The following NAV2 variants were observed in gnomAD, a reference collection of about 807,000 sequenced individuals.
NAV2 encodes neuron navigator 2, also known as helicase, APC down-regulated 1.
NAV2 carries 54 observed loss-of-function variants against 223.2 expected under a neutral mutation model. The observed-to-expected ratio is 0.24, with a 90% CI of 0.19 to 0.30. NAV2 has a LOEUF of 0.30. NAV2 is among the 10% of genes least tolerant of loss of function. The pLI, the probability that NAV2 is intolerant of heterozygous loss-of-function variation, is 1.00. For missense variants in NAV2, 2,806 were observed against 3,147.5 expected, an observed-to-expected ratio of 0.89 and a Z score of 2.60; for synonymous variants, 1,279 against 1,239.3, an observed-to-expected ratio of 1.03 and a Z score of -0.67.
chr11:19,722,714 T>A (rs1173803889), intron 1 of NAV2, among the ~76,000 whole-genome samples: 1 of 152,192 alleles, frequency 6.6e-6, no homozygotes, highest in African/African-American at 2.4e-5. Context: ...TGGAAAACAG[T>A]AGTAAATAGA....
intron 10 of NAV2, among the ~76,000 whole-genome samples, chr11:19,982,896 C>G (rs560845113): frequency 2.0e-5 from 3 of 152,292 alleles, no homozygotes; most frequent in Non-Finnish European, 2.9e-5. Context: ...AGGGTCGACT[C>G]CATATATGCA....
chr11:19,629,765 AG>A (rs1223441649), intron 1 of NAV2, among the ~76,000 whole-genome samples: 1 of 152,080 alleles, frequency 6.6e-6, no homozygotes, highest in Non-Finnish European at 1.5e-5. Flanking sequence ...TCAGTTTTGA[AG>A]GGCACCAATG....
chr11:19,997,877 G>A (rs904653549), intron 11 of NAV2, among the ~76,000 whole-genome samples: 3 of 152,062 alleles, frequency 2.0e-5, no homozygotes, highest in African/African-American at 7.2e-5. Context: ...GCTGGCTATA[G>A]CCCTGCCTTC....
intron 6 of NAV2, among the ~76,000 whole-genome samples, chr11:19,923,564 G>A (rs1307960251): frequency 6.6e-6 from 1 of 152,204 alleles, no homozygotes; most frequent in Non-Finnish European, 1.5e-5. Flanking sequence ...ATAGAAAGCA[G>A]AAAGATTGGG....
chr11:19,650,693 T>C (rs1191888913), intron 1 of NAV2, among the ~76,000 whole-genome samples: 1 of 152,144 alleles, frequency 6.6e-6, no homozygotes, highest in Non-Finnish European at 1.5e-5. Context: ...GACAAGTAAA[T>C]GGATATGCAA....
rs1329705238 is a variant in NAV2, at chr11:19,797,924, C to G, written c.268-34560C>G. 2.0e-5 allele frequency among the ~76,000 whole-genome samples: 3 copies of G among 152,140 alleles called. No individual in the cohort carries two copies. The South Asian group carries it at 6.2e-4, about 32-fold the overall frequency. ...AGTTCTGGAAATACTGTTCACCTTT[C>G]CTTTTCAGCTTGTTGGGATCTGTAG... On this transcript the variant is annotated intron_variant, in intron 1 of 37. Coordinates refer to ENST00000349880, the MANE Select transcript of NAV2 (RefSeq NM_145117.5).
chr11:19,659,653 C>T (rs2048222267), intron 1 of NAV2, among the ~76,000 whole-genome samples: 1 of 152,080 alleles, frequency 6.6e-6, no homozygotes, highest in Non-Finnish European at 1.5e-5. Context: ...TTGATATGGG[C>T]TGCAAGGTTA....
intron 6 of NAV2, among the ~76,000 whole-genome samples, chr11:19,903,923 C>A (rs1472279830): frequency 6.6e-6 from 1 of 152,136 alleles, no homozygotes; most frequent in Non-Finnish European, 1.5e-5. Context: ...GTTCATGTGG[C>A]CTAGTGGAAA....
chr11:19,489,323 A>C (rs138678527), intron 1 of NAV2, among the ~76,000 whole-genome samples: 66 of 152,324 alleles, frequency 4.3e-4, no homozygotes, highest in African/African-American at 1.5e-3. Flanking sequence ...AAGAAGGGCA[A>C]TGTGAAAATT....
At chr11:19,693,897 T>C in intron 1 of NAV2, among the ~76,000 whole-genome samples, 1 of 152,240 alleles carries the variant, frequency 6.6e-6, no homozygotes. Context: ...GAGATTGGAC[T>C]GTAAAATATC....
chr11:19,457,175 C>A (rs923982417), intron 1 of NAV2, among the ~76,000 whole-genome samples: 8 of 152,028 alleles, frequency 5.3e-5, no homozygotes, highest in Non-Finnish European at 7.4e-5. Context: ...AAAACAATAG[C>A]AAAATTTAAA....
At chr11:19,616,380 G>A (rs2046794190) in intron 1 of NAV2, among the ~76,000 whole-genome samples, 1 of 151,716 alleles carries the variant, frequency 6.6e-6, no homozygotes, top group East Asian at 1.9e-4. Context: ...TCCCCTATGT[G>A]TGTGTATTGC....
intron 1 of NAV2, among the ~76,000 whole-genome samples, chr11:19,781,441 C>T (rs750678913): frequency 1.7e-4 from 26 of 152,064 alleles, no homozygotes; most frequent in African/African-American, 5.8e-4. Context: ...CACCCTTCAG[C>T]GTCTTGGAAA....
intron 1 of NAV2, among the ~76,000 whole-genome samples, chr11:19,452,694 A>G (rs2133802249): frequency 6.6e-6 from 1 of 152,352 alleles, no homozygotes; most frequent in South Asian, 2.1e-4. Flanking sequence ...AGTATCTAAC[A>G]CAAAGCCTAT....
chr11:19,431,662 TAACA>T (rs769489148), intron 1 of NAV2, among the ~76,000 whole-genome samples: 298 of 152,126 alleles, frequency 2.0e-3, no homozygotes, highest in African/African-American at 6.4e-3. Flanking sequence ...GAGCAGAGAG[TAACA>T]AACAAACAAA....
chr11:19,838,264 G>C (rs1365691370), intron 2 of NAV2, among the ~76,000 whole-genome samples: 1 of 152,198 alleles, frequency 6.6e-6, no homozygotes, highest in African/African-American at 2.4e-5. Flanking sequence ...TGGCATGGTT[G>C]AGGACCCACT....
intron 20 of NAV2, 94 bp from the exon 21 acceptor site, chr11:20,068,092 G>T: frequency 1.8e-6 from 2 of 1,122,162 alleles, no homozygotes; most frequent in Non-Finnish European, 2.7e-6. Flanking sequence ...CTTCCAGACT[G>T]CTGCAACCAT....
At chr11:19,590,714 C>G (rs560000165) in intron 1 of NAV2, among the ~76,000 whole-genome samples, 1 of 152,316 alleles carries the variant, frequency 6.6e-6, no homozygotes, top group Non-Finnish European at 1.5e-5. Context: ...ACAATCCTGA[C>G]TGCAAAAGCT....
At chr11:19,364,511 C>G (rs1314414547) in intron 1 of NAV2, among the ~76,000 whole-genome samples, 1 of 152,206 alleles carries the variant, frequency 6.6e-6, no homozygotes, top group Non-Finnish European at 1.5e-5. Context: ...CCCTCTGTCT[C>G]TGTCTTCCAA....
Sources: gnomAD v4.1 joint callset for allele counts (sites outside exome capture counted in the v4.1 genomes callset) on GRCh38, gnomAD v4.1.1 for gene constraint, MANE v1.5 for transcripts, NCBI Gene and HGNC (gene_info 2026-07-23, HGNC 2026-07-21) for gene names.